The following DACH2 variants were observed in gnomAD, a reference collection of about 807,000 sequenced individuals.
DACH2 encodes dachshund homolog 2.
DACH2 carries 17 observed loss-of-function variants against 35.8 expected under a neutral mutation model. The ratio of observed to expected loss-of-function variants is 0.48; its 90% confidence interval spans 0.33 to 0.71. The LOEUF is 0.71. Ranked by LOEUF, DACH2 falls within the 30% of genes least tolerant of loss-of-function variation. The pLI is 0.02. For missense variants in DACH2, 469 were observed against 472.7 expected, an observed-to-expected ratio of 0.99 and a Z score of 0.07; for synonymous variants, 195 against 177.3, an observed-to-expected ratio of 1.10 and a Z score of -0.79.
At chrX:86,706,684 A>G (rs978029451) in intron 5 of DACH2, among the ~76,000 whole-genome samples, 2 of 110,811 alleles carry the variant, frequency 1.8e-5, no homozygotes, top group Non-Finnish European at 3.8e-5. Context: ...AGCCAATAAC[A>G]GAAAGACAGC....
intron 2 of DACH2, among the ~76,000 whole-genome samples, chrX:86,403,347 A>C: frequency 8.9e-6 from 1 of 112,103 alleles, no homozygotes; most frequent in East Asian, 2.8e-4. Flanking sequence ...AAAACCAAAA[A>C]ACTTCATTAA....
At chrX:86,539,060 C>T (rs972913446) in intron 3 of DACH2, among the ~76,000 whole-genome samples, 2 of 111,032 alleles carry the variant, frequency 1.8e-5, no homozygotes, top group African/African-American at 3.3e-5. Context: ...TATTGTTTGG[C>T]TCTGTGTCCC....
chrX:86,417,089 C>CAAAAAAAAAA (rs386417185), intron 2 of DACH2, among the ~76,000 whole-genome samples: 2 of 23,035 alleles, frequency 8.7e-5, no homozygotes, highest in Admixed American at 8.2e-4. Context: ...GACTCCATCT[C>CAAAAAAAAAA]AAAAAAAAAA....
chrX:86,807,900 T>G (rs1299404354), intron 7 of DACH2, among the ~76,000 whole-genome samples: 1 of 112,051 alleles, frequency 8.9e-6, no homozygotes, highest in Non-Finnish European at 1.9e-5. Flanking sequence ...TGTTAAATAT[T>G]GTTTAGGCCT....
At chrX:86,584,392 G>T (rs1185485806) in intron 3 of DACH2, among the ~76,000 whole-genome samples, 1 of 110,039 alleles carries the variant, frequency 9.1e-6, no homozygotes, top group Non-Finnish European at 1.9e-5. Context: ...ATATTTTCCT[G>T]TTTTATTAAT....
At chrX:86,332,322 A>C (rs2035227992) in intron 1 of DACH2, among the ~76,000 whole-genome samples, 2 of 111,448 alleles carry the variant, frequency 1.8e-5, no homozygotes, top group Admixed American at 9.6e-5. Context: ...CAGGATACTA[A>C]ATTGTATCTA....
intron 2 of DACH2, among the ~76,000 whole-genome samples, chrX:86,381,910 C>T (rs1341145208): frequency 9.1e-6 from 1 of 109,407 alleles, no homozygotes; most frequent in East Asian, 3.0e-4. Flanking sequence ...TTCAAAGCAT[C>T]ACATTCTAAA....
intron 1 of DACH2, chrX:86,305,162 C>G (rs982469762): frequency 1.5e-5 from 2 of 129,865 alleles, no homozygotes; most frequent in African/African-American, 6.5e-5. Context: ...GGGGGGTACA[C>G]GCTCTATATC....
intron 7 of DACH2, among the ~76,000 whole-genome samples, chrX:86,768,832 T>C (rs998764332): frequency 1.8e-5 from 2 of 110,865 alleles, no homozygotes; most frequent in South Asian, 3.8e-4. Context: ...GTGTCTATGG[T>C]TTTCATCTTT....
intron 1 of DACH2, among the ~76,000 whole-genome samples, chrX:86,368,889 A>G (rs1202990128): frequency 9.0e-6 from 1 of 111,424 alleles, no homozygotes; most frequent in Non-Finnish European, 1.9e-5. Context: ...TTATTAAGGA[A>G]AAAAGCATCA....
At position 86,754,549 on chromosome X, in the gene DACH2, G is replaced by A. The variant is rs931086844; in HGVS notation, c.1240+14667G>A. 2.7e-5 allele frequency among the ~76,000 whole-genome samples: 3 copies of A among 110,734 alleles called. No homozygotes were observed. In the Admixed American group the frequency reaches 2.9e-4, roughly 11 times the overall value. On this transcript the variant is annotated intron_variant, in intron 7 of 11. Coordinates refer to ENST00000373125, the MANE Select transcript of DACH2 (RefSeq NM_053281.3). The stretch of plus-strand genomic sequence containing the variant: ...ATCTAAATATATGGTTGTACTCATT[G>A]TAGCCAACCTCTCTTCATACCCCGC...
intron 3 of DACH2, among the ~76,000 whole-genome samples, chrX:86,521,035 C>A (rs2038545901): frequency 9.0e-6 from 1 of 111,490 alleles, no homozygotes; most frequent in African/African-American, 3.3e-5. Context: ...TATTAGCTGG[C>A]AGTGGTCTTC....
At chrX:86,428,162 T>C (rs1008385938) in intron 2 of DACH2, among the ~76,000 whole-genome samples, 12 of 111,843 alleles carry the variant, frequency 1.1e-4, no homozygotes, top group Non-Finnish European at 3.8e-5. Flanking sequence ...ATAGATCAGT[T>C]AAATCTTATA....
intron 3 of DACH2, among the ~76,000 whole-genome samples, chrX:86,631,551 G>A: frequency 9.0e-6 from 1 of 111,726 alleles, no homozygotes; most frequent in Middle Eastern, 4.6e-3. Context: ...TTTTTGGAGG[G>A]ATATTATCAT....
intron 1 of DACH2, among the ~76,000 whole-genome samples, chrX:86,331,803 G>A (rs2148049664): frequency 9.0e-6 from 1 of 111,504 alleles, no homozygotes; most frequent in Non-Finnish European, 1.9e-5. Flanking sequence ...AGGAAGATTA[G>A]AGACGTGACC....
chrX:86,358,478 CACAAT>C (rs2035680906), intron 1 of DACH2, among the ~76,000 whole-genome samples: 1 of 90,537 alleles, frequency 1.1e-5, no homozygotes, highest in Admixed American at 1.2e-4. Context: ...CACACACACA[CACAAT>C]CCCAGAGAGA....
At chrX:86,485,420 C>A (rs1294252875) in intron 2 of DACH2, among the ~76,000 whole-genome samples, 1 of 111,134 alleles carries the variant, frequency 9.0e-6, no homozygotes, top group Admixed American at 9.6e-5. Flanking sequence ...GGGTACAAAC[C>A]TACAGTTAGA....
intron 3 of DACH2, among the ~76,000 whole-genome samples, chrX:86,529,845 T>C (rs1372536258): frequency 9.1e-6 from 1 of 110,239 alleles, no homozygotes; most frequent in African/African-American, 3.3e-5. Context: ...AAATAAGCTA[T>C]GGCTTATATC....
intron 7 of DACH2, among the ~76,000 whole-genome samples, chrX:86,765,281 T>G (rs2041921095): frequency 8.9e-6 from 1 of 111,866 alleles, no homozygotes; most frequent in Non-Finnish European, 1.9e-5. Flanking sequence ...TTGGGGGAAC[T>G]TAGCCATAAA....
Sources: gnomAD v4.1 joint callset for allele counts (sites outside exome capture counted in the v4.1 genomes callset) on GRCh38, gnomAD v4.1.1 for gene constraint, MANE v1.5 for transcripts, NCBI Gene and HGNC (gene_info 2026-07-23, HGNC 2026-07-21) for gene names.